Variants in HDAC8 observed in about 807,000 individuals in gnomAD.
HDAC8 encodes the protein histone deacetylase-like 1.
HDAC8 carries 1 observed loss-of-function variant against 32.2 expected under a neutral mutation model. That is an observed-to-expected ratio of 0.03 (90% CI 0.01 to 0.15). The LOEUF (loss-of-function observed/expected upper bound fraction) is 0.15, where lower values mean the gene tolerates loss of function less well. HDAC8 is among the 10% of genes least tolerant of loss of function. The pLI is 1.00. For synonymous variants in HDAC8, 108 were observed against 113.9 expected, an observed-to-expected ratio of 0.95 and a Z score of 0.33; for missense variants, 117 against 300.0, an observed-to-expected ratio of 0.39 and a Z score of 4.51.
intron 9 of HDAC8, among the ~76,000 whole-genome samples, chrX:72,433,354 A>G (rs2046869107): frequency 8.9e-6 from 1 of 112,094 alleles, no homozygotes; most frequent in South Asian, 3.7e-4. Flanking sequence ...AGAAAAGCCA[A>G]TAGTGCTTGT....
At chrX:72,388,779 G>C (rs1008231690) in intron 9 of HDAC8, among the ~76,000 whole-genome samples, 1 of 111,147 alleles carries the variant, frequency 9.0e-6, no homozygotes, top group Non-Finnish European at 1.9e-5. Flanking sequence ...GATAAAATTA[G>C]TGTCCTTATG....
intron 10 of HDAC8, among the ~76,000 whole-genome samples, chrX:72,331,394 T>C (rs2043520100): frequency 9.0e-6 from 1 of 111,440 alleles, no homozygotes; most frequent in South Asian, 3.8e-4. Context: ...CATCTTCCTT[T>C]CTCCCCCACA....
intron 4 of HDAC8, among the ~76,000 whole-genome samples, chrX:72,559,629 G>A (rs868907670): frequency 4.4e-4 from 47 of 107,159 alleles, no homozygotes; most frequent in African/African-American, 1.5e-3. Flanking sequence ...AGTGAGGAGC[G>A]TCTCTGCCCG....
At chrX:72,564,845 CTCT>C (rs1443200205) in intron 4 of HDAC8, among the ~76,000 whole-genome samples, 2 of 112,204 alleles carry the variant, frequency 1.8e-5, no homozygotes, top group Non-Finnish European at 3.8e-5. Flanking sequence ...TCCTTCGTTA[CTCT>C]TCTTTTGTAG....
chrX:72,560,035 G>T (rs1365875039), intron 4 of HDAC8, among the ~76,000 whole-genome samples: 23 of 113,220 alleles, frequency 2.0e-4, no homozygotes, highest in African/African-American at 6.7e-4. Context: ...GAGCCCCTCT[G>T]CCTGGCCACC....
At position 72,567,932 on chromosome X, in the gene HDAC8, T is replaced by C; in HGVS notation, c.394A>G (p.Lys132Glu). The C allele has an allele frequency of 8.3e-7, 1 of 1,211,874 alleles. No homozygotes were observed. The highest frequency in any genetic ancestry group is 1.1e-6 in the Non-Finnish European group (1 of 895,425). Residue 132 changes from lysine to glutamate, a missense_variant, in exon 4 of 11, where the codon AAA becomes GAA. Physicochemically the swap from Lys to Glu is moderately conservative, Grantham distance 56. Around this residue, in one of 4 missense-constraint regions of HDAC8, gnomAD observed 57 missense variants for 182.0 expected, o/e 0.31. Coordinates refer to ENST00000373573, the MANE Select transcript of HDAC8 (RefSeq NM_018486.3). ...AAQCLIDGMC[K>E]VAINWSGGWH... is the part of the protein sequence containing the mutation. ...CCTCCAGACCAGTTAATTGCTACTTTGCACATTCCGTCAATCAGGCATTGG... is the reference window on the plus strand; with the variant it reads ...CCTCCAGACCAGTTAATTGCTACTTCGCACATTCCGTCAATCAGGCATTGG...
At chrX:72,536,164 T>C (rs782169218) in intron 4 of HDAC8, among the ~76,000 whole-genome samples, 1 of 112,348 alleles carries the variant, frequency 8.9e-6, no homozygotes, top group Non-Finnish European at 1.9e-5. Flanking sequence ...CAGAGCTCTC[T>C]TGTGAGAACT....
At chrX:72,422,318 T>A (rs782191152) in intron 9 of HDAC8, among the ~76,000 whole-genome samples, 1 of 111,601 alleles carries the variant, frequency 9.0e-6, no homozygotes, top group South Asian at 3.8e-4. Context: ...GACCACTTGA[T>A]GGTGTCCCAC....
chrX:72,551,079 G>GCA (rs56118046), intron 4 of HDAC8, among the ~76,000 whole-genome samples: 8,577 of 96,211 alleles, frequency 0.089, 753 homozygotes, highest in East Asian at 0.6. Context: ...TGAAGTCAGC[G>GCA]CACACACACA....
chrX:72,408,627 A>T (rs1486676742), intron 9 of HDAC8, among the ~76,000 whole-genome samples: 1 of 111,694 alleles, frequency 9.0e-6, no homozygotes, highest in Admixed American at 9.5e-5. Context: ...GCTGGTCTCG[A>T]ACTCTTGACC....
At chrX:72,452,667 A>G (rs1160143332) in intron 9 of HDAC8, among the ~76,000 whole-genome samples, 2 of 111,970 alleles carry the variant, frequency 1.8e-5, no homozygotes, top group Non-Finnish European at 3.8e-5. Context: ...AAACTGGAAA[A>G]GGATCAAACT....
At chrX:72,451,281 C>G (rs916538007) in intron 9 of HDAC8, among the ~76,000 whole-genome samples, 2 of 110,173 alleles carry the variant, frequency 1.8e-5, no homozygotes, top group African/African-American at 6.6e-5. Context: ...ACTGCATACT[C>G]TGCCTCCCAG....
chrX:72,474,269 G>A (rs782735821), intron 7 of HDAC8: 7 of 728,553 alleles, frequency 9.6e-6, no homozygotes, highest in Non-Finnish European at 1.1e-5. Context: ...TTATTTAAAT[G>A]TGTGTGAATA....
intron 9 of HDAC8, among the ~76,000 whole-genome samples, chrX:72,359,572 G>A (rs2044479902): frequency 9.0e-6 from 1 of 111,191 alleles, no homozygotes; most frequent in South Asian, 3.8e-4. Context: ...TTCCCATGTT[G>A]AGGAGACAGG....
intron 10 of HDAC8, among the ~76,000 whole-genome samples, chrX:72,337,098 G>A (rs1196278668): frequency 8.9e-6 from 1 of 112,160 alleles, no homozygotes; most frequent in Non-Finnish European, 1.9e-5. Flanking sequence ...TGAGTTTTAA[G>A]AGTTCTTTGT....
At position 72,437,515 on chromosome X, in the gene HDAC8, G is replaced by A. The variant is rs2046987449; in HGVS notation, c.1005+24489C>T. Among the ~76,000 whole-genome samples, 3 of 111,263 alleles carry A rather than the reference G, an allele frequency of 2.7e-5. No homozygotes were observed. In the South Asian group the frequency reaches 1.2e-3, roughly 43 times the overall value. The stretch of plus-strand genomic sequence containing the variant: ...GAACTCTTCACTCCCCTGAAAAGGG[G>A]GCTGAAGTCAGGGAGCCAAGTGGTC... On this transcript the variant is annotated intron_variant, in intron 9 of 10. Coordinates refer to ENST00000373573, the MANE Select transcript of HDAC8 (RefSeq NM_018486.3).
intron 9 of HDAC8, among the ~76,000 whole-genome samples, chrX:72,432,103 T>C (rs1190414002): frequency 9.0e-6 from 1 of 111,017 alleles, no homozygotes; most frequent in Non-Finnish European, 1.9e-5. Flanking sequence ...CTTGATTAGC[T>C]AGGACTACAG....
intron 9 of HDAC8, among the ~76,000 whole-genome samples, chrX:72,410,768 T>C (rs1238679249): frequency 9.0e-6 from 1 of 111,665 alleles, no homozygotes; most frequent in Non-Finnish European, 1.9e-5. Flanking sequence ...CAGTACAATA[T>C]GGTCTCCACA....
At chrX:72,437,604 G>A (rs782434734) in intron 9 of HDAC8, among the ~76,000 whole-genome samples, 60 of 112,101 alleles carry the variant, frequency 5.4e-4, no homozygotes, top group African/African-American at 1.6e-3. Context: ...TGAAATTCTC[G>A]CTGCCAGCAC....
Sources: gnomAD v4.1 joint callset for allele counts (sites outside exome capture counted in the v4.1 genomes callset) on GRCh38, gnomAD v4.1.1 for gene constraint, gnomAD v4.1.1 regional missense constraint, MANE v1.5 for transcripts, NCBI Gene and HGNC (gene_info 2026-07-23, HGNC 2026-07-21) for gene names.